The following ADGRV1 variants were observed in gnomAD, a reference collection of about 807,000 sequenced individuals.
The protein encoded by ADGRV1 is G-protein coupled receptor 98.
ADGRV1 carries 359 observed loss-of-function variants against 596.2 expected under a neutral mutation model. The ratio of observed to expected loss-of-function variants is 0.60; its 90% CI spans 0.55 to 0.66. The LOEUF is 0.66. Among genes scored for constraint, ADGRV1 ranks in the 30% least tolerant of loss-of-function variants. The pLI is 0.00. For synonymous variants in ADGRV1, 2,681 were observed against 2,679.2 expected, an observed-to-expected ratio of 1.00 and a Z score of -0.02; for missense variants, 7,274 against 7,575.6, an observed-to-expected ratio of 0.96 and a Z score of 1.48.
Position 90,716,463 on chromosome 5 carries a change from G to T in ADGRV1, c.9185-4G>T. 13 of 1,510,052 alleles carry T rather than the reference G, an allele frequency of 8.6e-6. No individual in the cohort carries two copies. Among genetic ancestry groups the T allele is most frequent in the Non-Finnish European group, 1.2e-5 (13 of 1,125,358 alleles). 93.5% of individuals were successfully genotyped at this position (1,510,052 alleles called of 1,614,324 possible). A position where few individuals can be genotyped will look rare whatever the true frequency, so the allele number is the denominator to read the frequency against. ...TTGTTGCTTTAATATTTTTATTTTGGCAGCCTTAATTATTGTCCTTGCTAA... is the reference window on the plus strand; with the variant it reads ...TTGTTGCTTTAATATTTTTATTTTGTCAGCCTTAATTATTGTCCTTGCTAA... On this transcript the variant is annotated splice_polypyrimidine_tract_variant and splice_region_variant and intron_variant, in intron 42 of 89. Transcript: ENST00000405460.
At chr5:90,629,669 G>A (rs1309303796) in intron 9 of ADGRV1, 130 bp downstream of exon 9, 18 of 669,844 alleles carry the variant, frequency 2.7e-5, no homozygotes, top group Non-Finnish European at 9.8e-6. Context: ...ACTAAAAGTT[G>A]TTTAGGTAGT....
In ADGRV1 at chr5:90,853,440, T is replaced by A. The variant is rs772048908; in HGVS notation, c.17361T>A (p.Ala5787=). Residue 5787 remains alanine, a synonymous_variant, in exon 80 of 90, where the codon GCT becomes GCA. Transcript: ENST00000405460. ...LLDVQDAEIM[A]GKSTCKLVQF... ...ATGTCCAGGATGCAGAAATAATGGC[T>A]GGGAAAAGTACATGTAAATTAGTCC... is the stretch of plus-strand genomic sequence containing the variant. 1.2e-6 allele frequency: 2 copies of A among 1,613,430 alleles called. No homozygotes were observed. Among genetic ancestry groups the A allele is most frequent in the South Asian group, 1.1e-5 (1 of 91,050 alleles).
At chr5:91,036,859 A>AAATTAAATGC (rs1281452647) in intron 85 of ADGRV1, among the ~76,000 whole-genome samples, 1 of 152,202 alleles carries the variant, frequency 6.6e-6, no homozygotes, top group East Asian at 1.9e-4. Context: ...TTCTGGCAGG[A>AAATTAAATGC]AATTAAATGC....
chr5:90,845,852 T>C (rs1165554063), intron 78 of ADGRV1, among the ~76,000 whole-genome samples: 4 of 152,202 alleles, frequency 2.6e-5, no homozygotes, highest in Non-Finnish European at 2.9e-5. Flanking sequence ...GGAGATTTTC[T>C]TGAGCTTGTT....
At position 90,921,731 on chromosome 5, in the gene ADGRV1, A is replaced by G. The variant is rs2150741057; in HGVS notation, c.17857-43684A>G. On this transcript the variant is annotated intron_variant, in intron 83 of 89. Coordinates refer to ENST00000405460, the MANE Select transcript of ADGRV1 (RefSeq NM_032119.4). ...GTAAAAACTAAGCTGCTGGAACAAG[A>G]TATATTAATGTAGTAATGCATATAT... Among the ~76,000 whole-genome samples the G allele has an allele frequency of 2.0e-5, 3 of 152,032 alleles. No individual in the cohort carries two copies. The South Asian group carries it at 6.2e-4, about 31-fold the overall frequency.
intron 73 of ADGRV1, among the ~76,000 whole-genome samples, chr5:90,809,579 C>A (rs1762253304): frequency 6.6e-6 from 1 of 152,026 alleles, no homozygotes; most frequent in South Asian, 2.1e-4. Flanking sequence ...TCCCTAAAGG[C>A]ATTTAAATTT....
In ADGRV1 at chr5:90,852,288, A is replaced by T. The variant is rs547216471; in HGVS notation, c.17205-996A>T. On this transcript the variant is annotated intron_variant, in intron 79 of 89. Coordinates refer to ENST00000405460, the MANE Select transcript of ADGRV1 (RefSeq NM_032119.4). ...TCTTTCTTTTCCTGACTCAGTTTAA[A>T]ATTCTCTGCTCCATTTCCTACGTCT... is the stretch of plus-strand genomic sequence containing the variant. Among the ~76,000 whole-genome samples, 6 of 152,264 alleles carry T rather than the reference A, an allele frequency of 3.9e-5. No individual in the cohort carries two copies. In the East Asian group the frequency reaches 1.2e-3, roughly 29 times the overall value.
At chr5:90,673,120 A>G (rs1772716564) in intron 22 of ADGRV1, among the ~76,000 whole-genome samples, 1 of 152,196 alleles carries the variant, frequency 6.6e-6, no homozygotes, top group Non-Finnish European at 1.5e-5. Flanking sequence ...TTTGTAGAGC[A>G]TGGCTCAGTT....
chr5:91,151,399 G>A (rs13176728), intron 88 of ADGRV1, among the ~76,000 whole-genome samples: 14,795 of 152,086 alleles, frequency 0.097, 858 homozygotes, highest in South Asian at 0.2. Flanking sequence ...GAAGGATTTT[G>A]ATCAAAGGGT....
chr5:90,738,056 T>G (rs1753476396), intron 50 of ADGRV1, among the ~76,000 whole-genome samples: 1 of 152,048 alleles, frequency 6.6e-6, no homozygotes, highest in African/African-American at 2.4e-5. Flanking sequence ...TATGGTGGTC[T>G]GCTTTTAATC....
intron 75 of ADGRV1, among the ~76,000 whole-genome samples, chr5:90,817,794 C>G (rs1215081075): frequency 6.8e-6 from 1 of 147,736 alleles, no homozygotes; most frequent in Non-Finnish European, 1.5e-5. Context: ...GGTACCAGTA[C>G]CATGCTGTTT....
intron 86 of ADGRV1, among the ~76,000 whole-genome samples, chr5:91,101,621 A>G (rs1791382960): frequency 6.6e-6 from 1 of 152,218 alleles, no homozygotes; most frequent in African/African-American, 2.4e-5. Flanking sequence ...TCTATTCTGA[A>G]AACGTCTGAA....
rs1391313596 is a variant in ADGRV1 at position 90,929,021 on chromosome 5, A to C, written c.17857-36394A>C. Among the ~76,000 whole-genome samples the C allele has an allele frequency of 2.9e-3, 440 of 150,192 alleles. 3 individuals are homozygous for C. Among genetic ancestry groups the C allele is most frequent in the African/African-American group, 9.2e-3 (372 of 40,642 alleles). On this transcript the variant is annotated intron_variant, in intron 83 of 89. Transcript: ENST00000405460. ...TCTCCAGCTGCGTGCTGGGAGAACC[A>C]CTGCTCTCTTCAAAGCTGTCAGACA...
At chr5:90,902,837 C>T (rs1305762736) in intron 83 of ADGRV1, among the ~76,000 whole-genome samples, 3 of 152,110 alleles carry the variant, frequency 2.0e-5, no homozygotes, top group East Asian at 1.9e-4. Flanking sequence ...CTCTTTACCA[C>T]GCTGAGTTCA....
chr5:90,584,277 TC>T lies in ADGRV1; in HGVS notation c.22+25362del, dbSNP rs144224545. On this transcript the variant is annotated intron_variant, in intron 1 of 89. Coordinates refer to ENST00000405460, the MANE Select transcript of ADGRV1 (RefSeq NM_032119.4). ...CGGGTGCCTAAATGAAACTTTTTTT[TC>T]CTTAGCTCCTTTTTCTTCTTCTAGA... is the stretch of plus-strand genomic sequence containing the variant. Among the ~76,000 whole-genome samples, 424 of 152,334 alleles carry T rather than the reference TC, an allele frequency of 2.8e-3. 2 individuals carry two copies. The highest frequency in any genetic ancestry group is 9.8e-3 in the African/African-American group (409 of 41,586).
At chr5:90,874,269 C>G (rs772077412) in intron 83 of ADGRV1, among the ~76,000 whole-genome samples, 1 of 152,098 alleles carries the variant, frequency 6.6e-6, no homozygotes, top group Non-Finnish European at 1.5e-5. Context: ...GAAAGTTCTG[C>G]CCCAGTGTTT....
chr5:90,599,241 A>G (rs937590542), intron 1 of ADGRV1, among the ~76,000 whole-genome samples: 2 of 152,220 alleles, frequency 1.3e-5, no homozygotes, highest in Non-Finnish European at 1.5e-5. Flanking sequence ...ATGAATTTAA[A>G]TCAAACCTAA....
intron 83 of ADGRV1, among the ~76,000 whole-genome samples, chr5:90,946,833 A>T (rs1054804584): frequency 7.9e-5 from 12 of 152,262 alleles, no homozygotes; most frequent in African/African-American, 2.9e-4. Flanking sequence ...CATGGTATAT[A>T]TGTACCACAT....
chr5:90,743,164 G>A (rs1754176558), intron 50 of ADGRV1, among the ~76,000 whole-genome samples: 1 of 152,110 alleles, frequency 6.6e-6, no homozygotes, highest in Admixed American at 6.5e-5. Flanking sequence ...ATGTTGAGAT[G>A]CCCCTGAATT....
Sources: gnomAD v4.1 joint callset for allele counts (sites outside exome capture counted in the v4.1 genomes callset) on GRCh38, gnomAD v4.1.1 for gene constraint, MANE v1.5 for transcripts, NCBI Gene and HGNC (gene_info 2026-07-23, HGNC 2026-07-21) for gene names.